ZNF718: variants seen among roughly 807,000 people sequenced by gnomAD.
The protein encoded by ZNF718 is zinc finger protein 718.
A neutral mutation model predicts 2.6 loss-of-function variants in ZNF718; 3 were observed. The observed-to-expected ratio is 1.16, with a 90% CI of 0.53 to 3.01. ZNF718 has a LOEUF of 3.01. ZNF718 is among the 30% of genes most tolerant of loss of function. The pLI is 0.03. For synonymous variants in ZNF718, 135 were observed against 77.9 expected (o/e 1.73, Z -3.86); for missense variants, 468 against 230.0 (o/e 2.03, Z -6.69).
At chr4:195,836 G>A (rs1435710712) in intron 3 of ZNF718, among the ~76,000 whole-genome samples, 2 of 152,130 alleles carry the variant, frequency 1.3e-5, no homozygotes, top group African/African-American at 4.8e-5. Context: ...GAGGGTTATA[G>A]GGTCACGGAG....
Position 162,602 on chromosome 4 carries a change from A to G in ZNF718, c.*480A>G, listed in dbSNP as rs1230848749. 2 of 153,190 alleles carry G rather than the reference A, an allele frequency of 1.3e-5. No individual in the cohort carries two copies. The highest frequency in any genetic ancestry group is 2.9e-5 in the Non-Finnish European group (2 of 68,744). The allele number at this position is 153,190 out of a possible 1,614,324, so 9.5% of individuals were successfully genotyped here. A position where few individuals can be genotyped will look rare whatever the true frequency, so the allele number is the denominator to read the frequency against. ...GTGAAGAAGAGTATTCTGAAGATAGACAATAGAAATAGTAAGAGGGTTGTA... is the reference window on the plus strand; with the variant it reads ...GTGAAGAAGAGTATTCTGAAGATAGGCAATAGAAATAGTAAGAGGGTTGTA... On this transcript the variant is annotated 3_prime_UTR_variant, in exon 4 of 4. Transcript: ENST00000510175.
chr4:190,514 A>G (rs1469209328), intron 3 of ZNF718, among the ~76,000 whole-genome samples: 1 of 148,850 alleles, frequency 6.7e-6, no homozygotes. Context: ...ACAAGAAGCT[A>G]TAAGGTGACA....
chr4:157,613 A>G (rs1396873060), intron 3 of ZNF718, among the ~76,000 whole-genome samples: 1 of 152,200 alleles, frequency 6.6e-6, no homozygotes, highest in Non-Finnish European at 1.5e-5. Context: ...AGAGCATGCT[A>G]AAGAGTATAT....
At chr4:138,776 C>G (rs1376001251) in intron 3 of ZNF718, among the ~76,000 whole-genome samples, 3 of 152,008 alleles carry the variant, frequency 2.0e-5, no homozygotes, top group Admixed American at 6.6e-5. Context: ...TTTCACTTTT[C>G]TCCACATCCT....
chr4:197,619 C>T (rs1207230706), intron 3 of ZNF718, among the ~76,000 whole-genome samples: 3 of 152,178 alleles, frequency 2.0e-5, no homozygotes, highest in Non-Finnish European at 4.4e-5. Context: ...TGCTGCTACT[C>T]AGCTACAGAG....
intron 3 of ZNF718, among the ~76,000 whole-genome samples, chr4:176,371 T>A (rs1553819086): frequency 6.6e-6 from 1 of 152,158 alleles, no homozygotes; most frequent in African/African-American, 2.4e-5. Flanking sequence ...GAAGATTTTC[T>A]TAAGCCCAAC....
intron 3 of ZNF718, among the ~76,000 whole-genome samples, chr4:194,903 C>T (rs112296687): frequency 0.023 from 3,562 of 152,264 alleles, 74 homozygotes; most frequent in African/African-American, 0.06. Context: ...GGTCCTAATG[C>T]TTATTCCTTT....
intron 3 of ZNF718, among the ~76,000 whole-genome samples, chr4:157,880 C>A (rs1716646828): frequency 6.6e-6 from 1 of 151,994 alleles, no homozygotes; most frequent in African/African-American, 2.4e-5. Context: ...TCTTCTGCTC[C>A]CTTATGAATA....
At chr4:142,412 C>T (rs1715851907) in intron 3 of ZNF718, among the ~76,000 whole-genome samples, 1 of 152,146 alleles carries the variant, frequency 6.6e-6, no homozygotes, top group Non-Finnish European at 1.5e-5. Flanking sequence ...AAAGCCCAGT[C>T]AGTGTAAGTA....
chr4:158,300 GT>G (rs1294752605), intron 3 of ZNF718, among the ~76,000 whole-genome samples: 1 of 151,580 alleles, frequency 6.6e-6, no homozygotes, highest in Non-Finnish European at 1.5e-5. Flanking sequence ...GTTGGATCTT[GT>G]TTTTTTAATT....
At chr4:174,622 G>A (rs1168512542) in intron 3 of ZNF718, among the ~76,000 whole-genome samples, 2 of 152,166 alleles carry the variant, frequency 1.3e-5, no homozygotes, top group African/African-American at 4.8e-5. Context: ...TAGCTAACAG[G>A]AAGACTGGCA....
chr4:174,358 T>C (rs1315097481), intron 3 of ZNF718, among the ~76,000 whole-genome samples: 2 of 152,180 alleles, frequency 1.3e-5, no homozygotes, highest in Non-Finnish European at 2.9e-5. Flanking sequence ...AGAAATGGGT[T>C]ATCAAATGTG....
At chr4:157,674 C>G (rs1291743133) in intron 3 of ZNF718, among the ~76,000 whole-genome samples, 1 of 152,036 alleles carries the variant, frequency 6.6e-6, no homozygotes, top group Admixed American at 6.5e-5. Context: ...ATTCTACTCT[C>G]TTTCCAGTTT....
intron 3 of ZNF718, among the ~76,000 whole-genome samples, chr4:171,512 G>T (rs528856700): frequency 1.3e-5 from 2 of 152,042 alleles, no homozygotes; most frequent in Non-Finnish European, 2.9e-5. Flanking sequence ...TTTCCTGGCC[G>T]CTTTGTTTAC....
At chr4:181,723 A>G (rs1553819838) in intron 3 of ZNF718, among the ~76,000 whole-genome samples, 1 of 152,106 alleles carries the variant, frequency 6.6e-6, no homozygotes, top group Non-Finnish European at 1.5e-5. Context: ...TACTTGGGTA[A>G]ATGTGTGCCA....
intron 3 of ZNF718, among the ~76,000 whole-genome samples, chr4:173,008 G>A (rs115073484): frequency 0.051 from 7,797 of 151,992 alleles, 282 homozygotes; most frequent in Non-Finnish European, 0.084. Flanking sequence ...TTGTGCCACC[G>A]CACTGCAGCC....
chr4:138,886 A>ATT (rs1715688978), intron 3 of ZNF718, among the ~76,000 whole-genome samples: 1 of 152,170 alleles, frequency 6.6e-6, no homozygotes, highest in Non-Finnish European at 1.5e-5. Flanking sequence ...CTCTGATGAT[A>ATT]AATAATGTTG....
At position 161,761 on chromosome 4, in the gene ZNF718, G is replaced by T. The variant is rs782711532; in HGVS notation, c.1076G>T (p.Arg359Ile). The T allele has an allele frequency of 5.0e-5, 39 of 780,300 alleles. No homozygotes were observed. In the South Asian group the frequency reaches 5.1e-4, roughly 10 times the overall value. The allele number at this position is 780,300 out of a possible 1,614,324, so 48.3% of individuals were successfully genotyped here. A position where few individuals can be genotyped will look rare whatever the true frequency, so the allele number is the denominator to read the frequency against. ...TCCACAACTCTTACGACACATAAGA[G>T]AATCCATACTGGAGAGAAACCCTAC... The part of the protein sequence containing the change: ...NRSTTLTTHK[R>I]IHTGEKPYTC... Residue 359 changes from arginine to isoleucine, a missense_variant, in exon 4 of 4, where the codon AGA becomes ATA. Coordinates refer to ENST00000510175, the MANE Select transcript of ZNF718 (RefSeq NM_001039127.6).
rs1456085464 is a variant in ZNF718 at position 130,475 on chromosome 4, C to T, written c.4-313C>T. On this transcript the variant is annotated intron_variant, in intron 1 of 3. Coordinates refer to ENST00000510175, the MANE Select transcript of ZNF718 (RefSeq NM_001039127.6). Reference sequence around the variant, plus strand: ...AAAAATTCCTGTTTTTGGTTAGGCGCGGTGGCTCACGCCTGTAATCCCAGC... The same window carrying T: ...AAAAATTCCTGTTTTTGGTTAGGCGTGGTGGCTCACGCCTGTAATCCCAGC... Among the ~76,000 whole-genome samples, 6 of 102,810 alleles carry T rather than the reference C, an allele frequency of 5.8e-5. 2 individuals are homozygous for T. Among genetic ancestry groups the T allele is most frequent in the African/African-American group, 1.4e-4 (4 of 29,440 alleles). The allele number at this position is 102,810 out of a possible 152,430, so 67.4% of individuals were successfully genotyped here.
Sources: allele counts gnomAD v4.1 joint callset (sites outside exome capture counted in the v4.1 genomes callset), GRCh38; gene constraint gnomAD v4.1.1; transcripts MANE v1.5; gene names NCBI Gene and HGNC (gene_info 2026-07-23, HGNC 2026-07-21).